DNAJC1: variants seen among roughly 807,000 people sequenced by gnomAD.
DNAJC1 encodes DnaJ heat shock protein family (Hsp40) member C1.
A neutral mutation model predicts 76.6 loss-of-function variants in DNAJC1; 58 were observed. That is an observed-to-expected ratio of 0.76 (90% CI 0.61 to 0.94). The LOEUF is 0.94. Ranked by LOEUF, DNAJC1 falls within the 40% of genes least tolerant of loss-of-function variation. DNAJC1 has a pLI of 0.00. For synonymous variants in DNAJC1, 258 were observed against 267.9 expected (o/e 0.96, Z 0.36); for missense variants, 689 against 677.3 (o/e 1.02, Z -0.19).
At chr10:21,970,653 A>G (rs1215758407) in intron 1 of DNAJC1, among the ~76,000 whole-genome samples, 1 of 151,980 alleles carries the variant, frequency 6.6e-6, no homozygotes, top group African/African-American at 2.4e-5. Context: ...TAGACCAAAG[A>G]TTTATTTTCA....
intron 8 of DNAJC1, among the ~76,000 whole-genome samples, chr10:21,830,487 T>C (rs1322991098): frequency 6.6e-6 from 1 of 152,176 alleles, no homozygotes; most frequent in African/African-American, 2.4e-5. Flanking sequence ...GTTCCTTTGT[T>C]TTCTCTCTGT....
In DNAJC1 at chr10:21,760,617, C is replaced by T. The variant is rs150695528; in HGVS notation, c.1148-999G>A. 3.6e-3 allele frequency among the ~76,000 whole-genome samples: 554 copies of T among 152,314 alleles called. 17 individuals carry two copies. Among genetic ancestry groups the T allele is most frequent in the Non-Finnish European group, 8.4e-4 (57 of 68,032 alleles). Reference sequence around the variant, plus strand: ...CTGTCCAATGAAACATGCTGTGATACAATTATATAAACCACTTGGTGTAGT... The same window carrying T: ...CTGTCCAATGAAACATGCTGTGATATAATTATATAAACCACTTGGTGTAGT... On this transcript the variant is annotated intron_variant, in intron 10 of 11. Coordinates refer to ENST00000376980, the MANE Select transcript of DNAJC1 (RefSeq NM_022365.4).
chr10:21,821,366 T>C (rs1410174808), intron 8 of DNAJC1, among the ~76,000 whole-genome samples: 2 of 152,232 alleles, frequency 1.3e-5, no homozygotes, highest in Non-Finnish European at 2.9e-5. Flanking sequence ...TTACTAAAAT[T>C]ACATTATATT....
chr10:21,996,315 A>G (rs748516826), intron 1 of DNAJC1, among the ~76,000 whole-genome samples: 29 of 152,222 alleles, frequency 1.9e-4, no homozygotes, highest in Non-Finnish European at 3.1e-4. Context: ...CAGTTCACTG[A>G]GAGAGAGCAT....
chr10:21,869,365 A>G (rs976571253), intron 8 of DNAJC1, among the ~76,000 whole-genome samples: 1 of 152,080 alleles, frequency 6.6e-6, no homozygotes, highest in African/African-American at 2.4e-5. Context: ...TCAATTCTCC[A>G]GACAAAGCTT....
At chr10:21,908,686 T>C (rs1226862382) in intron 6 of DNAJC1, among the ~76,000 whole-genome samples, 2 of 152,028 alleles carry the variant, frequency 1.3e-5, no homozygotes, top group African/African-American at 2.4e-5. Context: ...TTAATAAATA[T>C]TTAATGAATA....
chr10:21,924,843 C>T (rs888903659), intron 3 of DNAJC1, among the ~76,000 whole-genome samples: 1 of 152,162 alleles, frequency 6.6e-6, no homozygotes, highest in Non-Finnish European at 1.5e-5. Context: ...CCTACTGCTT[C>T]CAGGCTACAA....
chr10:21,852,769 T>G (rs1332731657), intron 8 of DNAJC1, among the ~76,000 whole-genome samples: 2 of 152,128 alleles, frequency 1.3e-5, no homozygotes, highest in Admixed American at 6.5e-5. Flanking sequence ...TTTTTTTTTT[T>G]TAGGTACTAT....
intron 9 of DNAJC1, among the ~76,000 whole-genome samples, chr10:21,779,951 C>G (rs1463086551): frequency 6.6e-6 from 1 of 152,002 alleles, no homozygotes; most frequent in African/African-American, 2.4e-5. Context: ...GATGCATGCA[C>G]AAGTTTCAGT....
intron 1 of DNAJC1, among the ~76,000 whole-genome samples, chr10:21,959,685 C>T (rs1837753007): frequency 6.6e-6 from 1 of 150,762 alleles, no homozygotes. Context: ...ACCCGGGAGG[C>T]CAAGGCAGGA....
At chr10:21,934,112 G>T (rs1043972421) in intron 1 of DNAJC1, among the ~76,000 whole-genome samples, 1 of 151,860 alleles carries the variant, frequency 6.6e-6, no homozygotes, top group Non-Finnish European at 1.5e-5. Context: ...TACTGACCCT[G>T]AAGACCTTCC....
intron 6 of DNAJC1, among the ~76,000 whole-genome samples, chr10:21,907,783 C>A (rs915020165): frequency 2.7e-5 from 4 of 150,740 alleles, no homozygotes; most frequent in African/African-American, 9.8e-5. Context: ...TCAAGACTAG[C>A]CTGGCCAACA....
intron 8 of DNAJC1, among the ~76,000 whole-genome samples, chr10:21,830,037 A>C (rs1470530563): frequency 6.6e-6 from 1 of 152,196 alleles, no homozygotes; most frequent in Admixed American, 6.5e-5. Context: ...CAAGAATCCT[A>C]AAATGTTTCT....
At chr10:21,908,095 T>C (rs11012823) in intron 6 of DNAJC1, among the ~76,000 whole-genome samples, 3 of 106,434 alleles carry the variant, frequency 2.8e-5, no homozygotes, top group African/African-American at 1.1e-4. Flanking sequence ...ATATATAAAA[T>C]ATATATAATA....
At chr10:21,864,906 A>G (rs1215150020) in intron 8 of DNAJC1, among the ~76,000 whole-genome samples, 1 of 152,140 alleles carries the variant, frequency 6.6e-6, no homozygotes, top group Non-Finnish European at 1.5e-5. Flanking sequence ...AAAGTGGGCA[A>G]CAGTGCTGAA....
intron 9 of DNAJC1, among the ~76,000 whole-genome samples, chr10:21,783,429 A>C (rs1232709489): frequency 1.3e-5 from 2 of 152,234 alleles, no homozygotes; most frequent in Non-Finnish European, 2.9e-5. Context: ...AGAACATTCC[A>C]TGCTCATGGA....
intron 1 of DNAJC1, among the ~76,000 whole-genome samples, chr10:21,995,837 T>C (rs1020136245): frequency 3.3e-5 from 5 of 152,210 alleles, no homozygotes; most frequent in African/African-American, 1.2e-4. Context: ...TAATTTAGTA[T>C]TACATAAGAT....
intron 8 of DNAJC1, among the ~76,000 whole-genome samples, chr10:21,823,530 ATAT>A (rs1835193312): frequency 6.6e-6 from 1 of 151,642 alleles, no homozygotes. Flanking sequence ...AGTTATTGTC[ATAT>A]TTTCTTCCTT....
At chr10:21,861,847 C>A (rs143699264) in intron 8 of DNAJC1, among the ~76,000 whole-genome samples, 5,331 of 152,256 alleles carry the variant, frequency 0.035, 158 homozygotes, top group African/African-American at 0.068. Context: ...AAATGAGCAA[C>A]CAGCAGCCCT....
Sources: allele counts gnomAD v4.1 joint callset (sites outside exome capture counted in the v4.1 genomes callset), GRCh38; gene constraint gnomAD v4.1.1; transcripts MANE v1.5; gene names NCBI Gene and HGNC (gene_info 2026-07-23, HGNC 2026-07-21).